The following ALMS1 variants were observed in gnomAD, a reference collection of about 807,000 sequenced individuals.
ALMS1 encodes centrosome-associated protein ALMS1.
Under a neutral mutation model 352.2 loss-of-function variants are expected in ALMS1, and 271 were observed. That is an observed-to-expected ratio of 0.77 (90% CI 0.70 to 0.85). The LOEUF (loss-of-function observed/expected upper bound fraction) is 0.85, where lower values mean the gene tolerates loss of function less well. Ranked by LOEUF, ALMS1 falls within the 40% of genes least tolerant of loss-of-function variation. The probability of loss-of-function intolerance (pLI) is 0.00; values close to 1 mark genes in which losing one functional copy is unlikely to be tolerated. For synonymous variants in ALMS1, 1,865 were observed against 1,761.2 expected, an observed-to-expected ratio of 1.06 and a Z score of -1.48; for missense variants, 5,445 against 4,870.7, an observed-to-expected ratio of 1.12 and a Z score of -3.51.
chr2:73,591,128 T>C (rs1056858396), intron 16 of ALMS1, among the ~76,000 whole-genome samples: 7 of 152,156 alleles, frequency 4.6e-5, no homozygotes, highest in African/African-American at 1.4e-4. Flanking sequence ...ATTTTTAAGC[T>C]TAATTACATT....
chr2:73,489,156 G>A (rs1388801357), intron 9 of ALMS1, among the ~76,000 whole-genome samples: 1 of 152,132 alleles, frequency 6.6e-6, no homozygotes, highest in African/African-American at 2.4e-5. Flanking sequence ...TGATATTGGG[G>A]GAACATGCAG....
intron 10 of ALMS1, among the ~76,000 whole-genome samples, chr2:73,492,477 GT>G (rs1023900295): frequency 6.6e-6 from 1 of 152,094 alleles, no homozygotes; most frequent in African/African-American, 2.4e-5. Context: ...AATGCATTCT[GT>G]TTAATCAGAG....
At chr2:73,488,289 C>T (rs535707153) in intron 9 of ALMS1, among the ~76,000 whole-genome samples, 65 of 152,308 alleles carry the variant, frequency 4.3e-4, no homozygotes, top group Admixed American at 3.5e-3. Flanking sequence ...TCTGGAGGGG[C>T]GGCAGGGGGC....
intron 9 of ALMS1, among the ~76,000 whole-genome samples, chr2:73,487,265 G>A (rs1439441190): frequency 2.0e-5 from 3 of 152,194 alleles, no homozygotes; most frequent in Admixed American, 1.3e-4. Flanking sequence ...GAGTGGTGAG[G>A]GGTGTGTGGG....
At chr2:73,418,762 C>T (rs1671228297) in intron 2 of ALMS1, among the ~76,000 whole-genome samples, 1 of 152,178 alleles carries the variant, frequency 6.6e-6, no homozygotes. Flanking sequence ...AAGCTTATCC[C>T]CGGAACACAT....
At chr2:73,460,134 C>T (rs561603211) in intron 9 of ALMS1, among the ~76,000 whole-genome samples, 1 of 152,148 alleles carries the variant, frequency 6.6e-6, no homozygotes, top group South Asian at 2.1e-4. Context: ...TGTTTAAACT[C>T]CCTTGTATGT....
At chr2:73,602,790 T>C (rs1573056036) in intron 20 of ALMS1, among the ~76,000 whole-genome samples, 1 of 152,210 alleles carries the variant, frequency 6.6e-6, no homozygotes, top group Non-Finnish European at 1.5e-5. Context: ...ACTATTAATA[T>C]ATCTACTTTA....
At chr2:73,609,247 G>C (rs1050896050) in intron 22 of ALMS1, among the ~76,000 whole-genome samples, 1 of 152,226 alleles carries the variant, frequency 6.6e-6, no homozygotes, top group African/African-American at 2.4e-5. Flanking sequence ...TGCCTCAGGT[G>C]GAGGCCCCAG....
chr2:73,584,560 A>T (rs1334167677), intron 16 of ALMS1, among the ~76,000 whole-genome samples: 1 of 152,238 alleles, frequency 6.6e-6, no homozygotes, highest in Non-Finnish European at 1.5e-5. Context: ...TTCTTAATTC[A>T]AAACTGTTAA....
intron 16 of ALMS1, among the ~76,000 whole-genome samples, chr2:73,592,192 T>C (rs1319408711): frequency 2.0e-5 from 3 of 152,240 alleles, no homozygotes; most frequent in Non-Finnish European, 4.4e-5. Flanking sequence ...ACATTGTTAA[T>C]TTTCTGAGGA....
intron 12 of ALMS1, among the ~76,000 whole-genome samples, chr2:73,544,495 C>A (rs1227924539): frequency 6.6e-6 from 1 of 151,986 alleles, no homozygotes; most frequent in Admixed American, 6.5e-5. Flanking sequence ...TCACATGTAC[C>A]CTAAAACTTA....
chr2:73,483,368 T>G (rs1439505641), intron 9 of ALMS1, among the ~76,000 whole-genome samples: 21 of 151,534 alleles, frequency 1.4e-4, no homozygotes, highest in African/African-American at 4.1e-4. Context: ...TCAGTTTCCA[T>G]GTAGTTGAGC....
At chr2:73,540,442 T>C (rs1252516547) in intron 12 of ALMS1, among the ~76,000 whole-genome samples, 1 of 152,180 alleles carries the variant, frequency 6.6e-6, no homozygotes, top group East Asian at 1.9e-4. Context: ...CCATTGAGGC[T>C]AGGAAGAAAC....
In ALMS1 at chr2:73,572,518, C is replaced by G. The variant is rs893243465; in HGVS notation, c.10641C>G (p.Ser3547Arg). 2 of 1,613,678 alleles carry G rather than the reference C, an allele frequency of 1.2e-6. No individual in the cohort carries two copies. Among genetic ancestry groups the G allele is most frequent in the African/African-American group, 2.7e-5 (2 of 75,002 alleles). Residue 3547 changes from serine (S) to arginine (R), a missense_variant, in exon 16 of 23, where the codon AGC (serine) becomes AGG (arginine). Transcript: ENST00000613296. ...AGACAGATTATACCAGAATAAAGAG[C>G]CTCAGCATCAATGTGAATTTGGGAA... is the stretch of plus-strand genomic sequence containing the variant. ...KTKTDYTRIK[S>R]LSINVNLGNK...
chr2:73,602,563 A>G (rs1364961610), intron 20 of ALMS1, among the ~76,000 whole-genome samples, 195 bp downstream of exon 20: 2 of 152,314 alleles, frequency 1.3e-5, no homozygotes, highest in Middle Eastern at 3.4e-3. Context: ...TGATCCAAGT[A>G]AGCCCAGTTA....
At chr2:73,411,137 A>G (rs866713354) in intron 2 of ALMS1, among the ~76,000 whole-genome samples, 5 of 152,038 alleles carry the variant, frequency 3.3e-5, no homozygotes, top group Admixed American at 1.3e-4. Context: ...ACACTGGAGT[A>G]GGGTTTGCTC....
intron 11 of ALMS1, among the ~76,000 whole-genome samples, chr2:73,531,695 C>T (rs978328882): frequency 1.3e-5 from 2 of 152,208 alleles, no homozygotes; most frequent in Admixed American, 6.5e-5. Flanking sequence ...AAAGATACTA[C>T]CTGAGACTGG....
intron 6 of ALMS1, among the ~76,000 whole-genome samples, chr2:73,430,274 C>T (rs1671473350): frequency 1.3e-5 from 2 of 152,088 alleles, no homozygotes; most frequent in South Asian, 4.1e-4. Context: ...GACGGGGTTT[C>T]ACCGTGTTAG....
chr2:73,419,764 T>TA (rs1346592279), intron 3 of ALMS1, among the ~76,000 whole-genome samples: 1 of 152,218 alleles, frequency 6.6e-6, no homozygotes, highest in Non-Finnish European at 1.5e-5. Flanking sequence ...AAAATTGAGA[T>TA]AAAGAGGTTG....
Sources: allele counts gnomAD v4.1 joint callset (sites outside exome capture counted in the v4.1 genomes callset), GRCh38; gene constraint gnomAD v4.1.1; transcripts MANE v1.5; gene names NCBI Gene and HGNC (gene_info 2026-07-23, HGNC 2026-07-21).